The following MAP3K5 variants were observed in gnomAD, a reference collection of about 807,000 sequenced individuals.
The protein encoded by MAP3K5 is ASK-1.
MAP3K5 carries 56 observed loss-of-function variants against 158.7 expected under a neutral mutation model. That is an observed-to-expected ratio of 0.35 (90% CI 0.28 to 0.44). The LOEUF is 0.44. Among genes scored for constraint, MAP3K5 ranks in the 20% least tolerant of loss-of-function variants. The pLI is 1.00. For missense variants in MAP3K5, 1,294 were observed against 1,674.8 expected (o/e 0.77, Z 3.97); for synonymous variants, 579 against 601.7 (o/e 0.96, Z 0.55).
intron 7 of MAP3K5, among the ~76,000 whole-genome samples, chr6:136,689,169 G>A (rs1270634293): frequency 6.6e-6 from 1 of 151,912 alleles, no homozygotes; most frequent in African/African-American, 2.4e-5. Flanking sequence ...GTGTTATAGC[G>A]TGCACCTGTT....
At chr6:136,646,063 T>C (rs1055815764) in intron 11 of MAP3K5, among the ~76,000 whole-genome samples, 5 of 152,206 alleles carry the variant, frequency 3.3e-5, no homozygotes, top group African/African-American at 9.6e-5. Context: ...TTTACCACTT[T>C]TATTTTAAAA....
chr6:136,666,226 C>T (rs1037229054), intron 8 of MAP3K5, among the ~76,000 whole-genome samples: 1 of 152,080 alleles, frequency 6.6e-6, no homozygotes, highest in East Asian at 1.9e-4. Flanking sequence ...TAGTCATAAC[C>T]GCAAACAAAC....
chr6:136,698,652 A>G lies in MAP3K5; in HGVS notation c.643T>C (p.Tyr215His). Reference sequence around the variant, plus strand: ...ACTTTGTTATGTGGAGTTATCATGTAAGGAACAAAGGTGTAGTTCCCAGTG... The same window carrying G: ...ACTTTGTTATGTGGAGTTATCATGTGAGGAACAAAGGTGTAGTTCCCAGTG... ...MCTGNYTFVP[Y>H]MITPHNKVYC... Residue 215 changes from tyrosine to histidine, a missense_variant, in exon 4 of 30, where the codon TAC (tyrosine) becomes CAC (histidine). Coordinates refer to ENST00000359015, the MANE Select transcript of MAP3K5 (RefSeq NM_005923.4). 6.2e-7 allele frequency: 1 copy of G among 1,613,878 alleles called. No individual in the cohort carries two copies. Among genetic ancestry groups the G allele is most frequent in the Non-Finnish European group, 8.5e-7 (1 of 1,179,884 alleles).
At position 136,669,283 on chromosome 6, in the gene MAP3K5, C is replaced by T; in HGVS notation, c.1366G>A (p.Gly456Arg). 1 of 1,605,604 alleles carries T rather than the reference C, an allele frequency of 6.2e-7. No homozygotes were observed. Among genetic ancestry groups the T allele is most frequent in the East Asian group, 2.2e-5 (1 of 44,726 alleles). ...FESSFELRKVGVKLSSLLGKK... is the reference protein window; with the variant it reads ...FESSFELRKVRVKLSSLLGKK... The stretch of plus-strand genomic sequence containing the variant: ...ATGTAAAATATCAAGTTGTAATTAC[C>T]AACTTTCCGGAGCTCAAAGGAAGAT... The change falls in exon 8 of 30, where the codon GGG becomes AGG. Residue 456 changes from glycine to arginine, a missense_variant and splice_region_variant. Transcript: ENST00000359015.
chr6:136,580,460 G>A, intron 24 of MAP3K5, 54 bp from the exon 25 acceptor site: 1 of 1,068,724 alleles, frequency 9.4e-7, no homozygotes, highest in Non-Finnish European at 1.4e-6. Flanking sequence ...AAATAGCCTA[G>A]ATGATCGAAG....
intron 8 of MAP3K5, among the ~76,000 whole-genome samples, 172 bp downstream of exon 8, chr6:136,669,111 T>C (rs1779355924): frequency 6.6e-6 from 1 of 152,208 alleles, no homozygotes; most frequent in Non-Finnish European, 1.5e-5. Context: ...ATATCAGGAT[T>C]CTGTACAACA....
intron 21 of MAP3K5, among the ~76,000 whole-genome samples, chr6:136,598,954 T>G: frequency 6.6e-6 from 1 of 152,130 alleles, no homozygotes; most frequent in East Asian, 1.9e-4. Flanking sequence ...GTAGATCACT[T>G]GAGGCCAGGA....
intron 6 of MAP3K5, among the ~76,000 whole-genome samples, chr6:136,695,240 C>T (rs531599601): frequency 6.6e-6 from 1 of 152,078 alleles, no homozygotes; most frequent in African/African-American, 2.4e-5. Flanking sequence ...CAGGTTCAAG[C>T]GATTCTCCTG....
intron 11 of MAP3K5, among the ~76,000 whole-genome samples, chr6:136,643,411 A>G (rs1425370744): frequency 6.6e-6 from 1 of 152,218 alleles, no homozygotes; most frequent in Non-Finnish European, 1.5e-5. Context: ...CAGTACGGCA[A>G]TAAACTGACA....
intron 8 of MAP3K5, among the ~76,000 whole-genome samples, chr6:136,668,936 A>G (rs1244655381): frequency 1.3e-5 from 2 of 152,212 alleles, no homozygotes; most frequent in Non-Finnish European, 2.9e-5. Context: ...CAAAAGCGCA[A>G]TCTAAAATAG....
At chr6:136,599,127 T>A (rs1207474932) in intron 21 of MAP3K5, among the ~76,000 whole-genome samples, 1 of 130,536 alleles carries the variant, frequency 7.7e-6, no homozygotes, top group East Asian at 2.7e-4. Flanking sequence ...GCTGAGATTA[T>A]GCCACTGCAC....
chr6:136,682,703 C>T (rs976571515), intron 7 of MAP3K5, among the ~76,000 whole-genome samples: 1 of 152,154 alleles, frequency 6.6e-6, no homozygotes, highest in Admixed American at 6.5e-5. Flanking sequence ...TATGCTAATA[C>T]AGTACAAGCA....
intron 25 of MAP3K5, among the ~76,000 whole-genome samples, chr6:136,572,675 C>T (rs9389406): frequency 0.11 from 15,973 of 152,078 alleles, 995 homozygotes; most frequent in East Asian, 0.16. Context: ...TATCATTTTA[C>T]GTATGTATAT....
chr6:136,757,264 G>A (rs1006316912), intron 1 of MAP3K5, among the ~76,000 whole-genome samples: 4 of 152,182 alleles, frequency 2.6e-5, no homozygotes, highest in Non-Finnish European at 4.4e-5. Flanking sequence ...AAGAAAATAA[G>A]TTCCAGGGAA....
At chr6:136,670,959 C>T (rs947994174) in intron 7 of MAP3K5, among the ~76,000 whole-genome samples, 3 of 152,202 alleles carry the variant, frequency 2.0e-5, no homozygotes, top group South Asian at 2.1e-4. Flanking sequence ...TACAGATATT[C>T]GAAACTATAT....
intron 14 of MAP3K5, among the ~76,000 whole-genome samples, chr6:136,626,897 A>G (rs1029837891): frequency 1.2e-4 from 19 of 152,342 alleles, no homozygotes; most frequent in African/African-American, 4.1e-4. Context: ...GTGAAAATAT[A>G]TCAGAGTTGT....
chr6:136,593,658 C>T (rs758034535), intron 21 of MAP3K5: 2 of 391,252 alleles, frequency 5.1e-6, no homozygotes, highest in South Asian at 1.9e-5. Flanking sequence ...ATGAGAGAAA[C>T]GGGTATCTGA....
intron 26 of MAP3K5, among the ~76,000 whole-genome samples, chr6:136,564,033 G>A (rs1265768467): frequency 6.6e-6 from 1 of 152,072 alleles, no homozygotes; most frequent in African/African-American, 2.4e-5. Flanking sequence ...AATGCCTCCA[G>A]GCTTCAGTTT....
At chr6:136,715,001 A>C (rs1271407620) in intron 2 of MAP3K5, among the ~76,000 whole-genome samples, 1 of 152,204 alleles carries the variant, frequency 6.6e-6, no homozygotes, top group African/African-American at 2.4e-5. Context: ...TAGTCTATTA[A>C]TGAAAATCCC....
Sources: allele counts gnomAD v4.1 joint callset (sites outside exome capture counted in the v4.1 genomes callset), GRCh38; gene constraint gnomAD v4.1.1; transcripts MANE v1.5; gene names NCBI Gene and HGNC (gene_info 2026-07-23, HGNC 2026-07-21).